The following ZBTB7C variants were observed in gnomAD, a reference collection of about 807,000 sequenced individuals.
ZBTB7C encodes zinc finger and BTB domain-containing protein 7C.
Under a neutral mutation model 25.7 loss-of-function variants are expected in ZBTB7C, and 8 were observed. The observed-to-expected ratio is 0.31, with a 90% CI of 0.18 to 0.56. ZBTB7C has a LOEUF of 0.56. Among genes scored for constraint, ZBTB7C ranks in the 20% least tolerant of loss-of-function variants. ZBTB7C has a pLI of 0.91. For missense variants in ZBTB7C, 824 were observed against 855.2 expected, an observed-to-expected ratio of 0.96 and a Z score of 0.46; for synonymous variants, 394 against 369.0, an observed-to-expected ratio of 1.07 and a Z score of -0.78.
At chr18:48,209,814 A>G (rs1172394823) in intron 2 of ZBTB7C, among the ~76,000 whole-genome samples, 2 of 152,192 alleles carry the variant, frequency 1.3e-5, no homozygotes, top group Non-Finnish European at 2.9e-5. Flanking sequence ...AAAATAAAAC[A>G]TAAATGGGAC....
chr18:48,330,449 G>A (rs1011879136), intron 2 of ZBTB7C, among the ~76,000 whole-genome samples: 9 of 152,044 alleles, frequency 5.9e-5, no homozygotes, highest in Admixed American at 6.6e-5. Flanking sequence ...CCAAGAAACC[G>A]GGCCAGCTTC....
At chr18:48,030,914 A>G (rs898175939) in intron 4 of ZBTB7C, among the ~76,000 whole-genome samples, 3 of 152,236 alleles carry the variant, frequency 2.0e-5, no homozygotes, top group Non-Finnish European at 2.9e-5. Flanking sequence ...TGGCTGAGGT[A>G]TAGGCAGCTG....
At chr18:48,210,048 G>T (rs1169677249) in intron 2 of ZBTB7C, among the ~76,000 whole-genome samples, 1 of 152,134 alleles carries the variant, frequency 6.6e-6, no homozygotes, top group African/African-American at 2.4e-5. Context: ...ATATGCAAAT[G>T]GCCGGTAAGT....
At chr18:48,265,943 G>T (rs2144540860) in intron 2 of ZBTB7C, among the ~76,000 whole-genome samples, 1 of 152,290 alleles carries the variant, frequency 6.6e-6, no homozygotes, top group South Asian at 2.1e-4. Flanking sequence ...CAGCAAATCA[G>T]TGTGAATTTC....
intron 3 of ZBTB7C, among the ~76,000 whole-genome samples, chr18:48,106,844 G>C (rs756309606): frequency 3.3e-5 from 5 of 152,026 alleles, no homozygotes; most frequent in Non-Finnish European, 7.4e-5. Context: ...GTGGGGAATG[G>C]GGTGGGGATG....
In ZBTB7C at chr18:48,069,108, C is replaced by T. The variant is rs144458182; in HGVS notation, c.-16-27985G>A. ...ACCACCTTGGTATCCCCGGCCCCAG[C>T]GCAGCCAGGGCAGGGCACAGAGTAG... is the stretch of plus-strand genomic sequence containing the variant. On this transcript the variant is annotated intron_variant, in intron 3 of 4. Transcript: ENST00000590800. Among the ~76,000 whole-genome samples the T allele has an allele frequency of 4.0e-3, 604 of 152,308 alleles. 3 individuals are homozygous for T. Among genetic ancestry groups the T allele is most frequent in the Non-Finnish European group, 6.8e-3 (465 of 68,020 alleles).
intron 2 of ZBTB7C, among the ~76,000 whole-genome samples, chr18:48,300,787 G>T (rs965632780): frequency 6.6e-6 from 1 of 152,242 alleles, no homozygotes; most frequent in African/African-American, 2.4e-5. Context: ...AGACAGGCAG[G>T]GCTGGCCAGG....
chr18:48,142,947 C>A (rs571376030), intron 3 of ZBTB7C, among the ~76,000 whole-genome samples: 1 of 152,284 alleles, frequency 6.6e-6, no homozygotes, highest in Admixed American at 6.5e-5. Context: ...CCACTCCAGG[C>A]TTTGGCTATA....
intron 2 of ZBTB7C, among the ~76,000 whole-genome samples, chr18:48,282,261 T>A (rs2044878297): frequency 7.9e-6 from 1 of 126,438 alleles, no homozygotes; most frequent in Admixed American, 1.0e-4. Flanking sequence ...AATTGAACAA[T>A]GAGAACACAT....
chr18:48,355,273 A>G (rs1260293588), intron 1 of ZBTB7C, among the ~76,000 whole-genome samples: 1 of 152,200 alleles, frequency 6.6e-6, no homozygotes, highest in African/African-American at 2.4e-5. Flanking sequence ...GAGGGCAGTA[A>G]TGGGGGAACA....
At chr18:48,178,807 C>A (rs933797274) in intron 3 of ZBTB7C, among the ~76,000 whole-genome samples, 1 of 152,150 alleles carries the variant, frequency 6.6e-6, no homozygotes, top group Admixed American at 6.5e-5. Flanking sequence ...AAAACCCTGG[C>A]CTGCTCTGTG....
At chr18:48,284,102 G>A (rs180983055) in intron 2 of ZBTB7C, among the ~76,000 whole-genome samples, 1 of 151,992 alleles carries the variant, frequency 6.6e-6, no homozygotes, top group East Asian at 1.9e-4. Flanking sequence ...AGCCGAGATT[G>A]CACCACTGCA....
intron 2 of ZBTB7C, among the ~76,000 whole-genome samples, chr18:48,325,773 A>G (rs928167474): frequency 1.5e-4 from 23 of 152,318 alleles, no homozygotes; most frequent in African/African-American, 5.3e-4. Flanking sequence ...CAGGTCATGT[A>G]GCTCACCTGC....
intron 2 of ZBTB7C, among the ~76,000 whole-genome samples, chr18:48,322,669 A>T (rs1422916350): frequency 6.6e-6 from 1 of 152,230 alleles, no homozygotes; most frequent in East Asian, 1.9e-4. Context: ...TAGATCTACC[A>T]TTTGATCCAG....
rs941812526 is a variant in ZBTB7C at position 48,261,428 on chromosome 18, G to C, written c.-78-75433C>G. ...TAAGAGACTGAACAAATGGACTTCT[G>C]TTATTATCATGGTGATGATTATTGC... On this transcript the variant is annotated intron_variant, in intron 2 of 4. Coordinates refer to ENST00000590800, the MANE Select transcript of ZBTB7C (RefSeq NM_001318841.2). 2.0e-5 allele frequency among the ~76,000 whole-genome samples: 3 copies of C among 152,198 alleles called. No homozygotes were observed. The East Asian group carries it at 5.8e-4, about 29-fold the overall frequency.
chr18:48,187,504 G>A (rs1469768334), intron 2 of ZBTB7C, among the ~76,000 whole-genome samples: 1 of 152,096 alleles, frequency 6.6e-6, no homozygotes, highest in Non-Finnish European at 1.5e-5. Flanking sequence ...ACCTAGAGAA[G>A]TCAAATCCAT....
At chr18:48,370,214 T>A (rs749672087) in intron 1 of ZBTB7C, among the ~76,000 whole-genome samples, 1 of 152,110 alleles carries the variant, frequency 6.6e-6, no homozygotes, top group Non-Finnish European at 1.5e-5. Context: ...GGCACCTACA[T>A]ACCATGGAAT....
intron 3 of ZBTB7C, among the ~76,000 whole-genome samples, chr18:48,171,623 C>G (rs557574786): frequency 2.0e-5 from 3 of 152,374 alleles, no homozygotes; most frequent in African/African-American, 7.2e-5. Context: ...AGAGGGCTCT[C>G]AGCAGAGGCT....
rs373833315 is a variant in ZBTB7C, at chr18:48,384,083, G to A, written c.-304+25143C>T. On this transcript the variant is annotated intron_variant, in intron 1 of 4. Transcript: ENST00000590800. ...CGTGGAGCCAGTGGGAAGAAGTCAGGAGATATTCAGGGGGTCAAATCAACA... is the reference window on the plus strand; with the variant it reads ...CGTGGAGCCAGTGGGAAGAAGTCAGAAGATATTCAGGGGGTCAAATCAACA... 1.3e-3 allele frequency among the ~76,000 whole-genome samples: 204 copies of A among 152,308 alleles called. 1 individual carries two copies. The highest frequency in any genetic ancestry group is 4.7e-3 in the African/African-American group (197 of 41,570).
Sources: gnomAD v4.1 joint callset for allele counts (sites outside exome capture counted in the v4.1 genomes callset) on GRCh38, gnomAD v4.1.1 for gene constraint, MANE v1.5 for transcripts, NCBI Gene and HGNC (gene_info 2026-07-23, HGNC 2026-07-21) for gene names.